Variants in KCNQ1 observed in about 807,000 individuals in gnomAD.
KCNQ1 encodes the protein potassium voltage-gated channel subfamily Q member 1.
Under a neutral mutation model 72.4 loss-of-function variants are expected in KCNQ1, and 49 were observed. That is an observed-to-expected ratio of 0.68 (90% CI 0.54 to 0.86). KCNQ1 has a LOEUF of 0.86. Ranked by LOEUF, KCNQ1 falls within the 40% of genes least tolerant of loss-of-function variation. The pLI, the probability that KCNQ1 is intolerant of heterozygous loss-of-function variation, is 0.00. For synonymous variants in KCNQ1, 450 were observed against 412.6 expected (o/e 1.09, Z -1.10); for missense variants, 790 against 945.1 (o/e 0.84, Z 2.15).
In KCNQ1 at chr11:2,447,888, A is replaced by G. The variant is rs535166255; in HGVS notation, c.386+2404A>G. On this transcript the variant is annotated intron_variant, in intron 1 of 15. Transcript: ENST00000155840. This position sits in a 1 kb window ranked among gnomAD's most constrained non-coding sequence, Gnocchi z 7.6. Reference sequence around the variant, plus strand: ...CTGTGTGCGCCTGGGGAAGCCAGCCAGGATATCCTGTCCCCTCCTCGGGGA... The same window carrying G: ...CTGTGTGCGCCTGGGGAAGCCAGCCGGGATATCCTGTCCCCTCCTCGGGGA... 7.2e-5 allele frequency among the ~76,000 whole-genome samples: 11 copies of G among 152,290 alleles called. No individual in the cohort carries two copies. In the East Asian group the frequency reaches 7.7e-4, roughly 11 times the overall value.
At chr11:2,822,850 A>G (rs1847765928) in intron 15 of KCNQ1, among the ~76,000 whole-genome samples, 9 of 152,248 alleles carry the variant, frequency 5.9e-5, no homozygotes, top group Admixed American at 5.2e-4. Flanking sequence ...GGCATAGGCC[A>G]GAGTAGGACA....
At chr11:2,733,814 A>ACACACACTCTCTCTCTCTCTCT in intron 11 of KCNQ1, among the ~76,000 whole-genome samples, 1 of 86,614 alleles carries the variant, frequency 1.2e-5, no homozygotes, top group Non-Finnish European at 2.4e-5. Context: ...ACACACACAC[A>ACACACACTCTCTCTCTCTCTCT]CTCTCTCACT....
At position 2,661,089 on chromosome 11, in the gene KCNQ1, A is replaced by T; in HGVS notation, c.1394-872A>T. ...AGTCACAGTGACATCCCATGTGCAT[A>T]AAAGCAACTCCCACCTGGCATCTGC... On this transcript the variant is annotated intron_variant, in intron 10 of 15. Transcript: ENST00000155840. The surrounding 1 kb of genome is among the most constrained non-coding windows in gnomAD (Gnocchi z 5.9). 1 of 398,598 alleles carries T rather than the reference A, an allele frequency of 2.5e-6. No homozygotes were observed. 24.7% of individuals were successfully genotyped at this position (398,598 alleles called of 1,614,324 possible).
chr11:2,561,843 A>G (rs1366904866), intron 2 of KCNQ1, among the ~76,000 whole-genome samples: 1 of 152,180 alleles, frequency 6.6e-6, no homozygotes, highest in Non-Finnish European at 1.5e-5. Context: ...GTTCCAGGCT[A>G]CCTTGGGCGG....
chr11:2,666,279 G>T (rs1300688514), intron 11 of KCNQ1: 5 of 398,600 alleles, frequency 1.3e-5, no homozygotes, highest in Non-Finnish European at 8.8e-6. Flanking sequence ...CTGGGCAGAG[G>T]GGGTGGAAAG....
chr11:2,787,945 C>T lies in KCNQ1; in HGVS notation c.1794+9908C>T, dbSNP rs1846943083. On this transcript the variant is annotated intron_variant, in intron 15 of 15. Coordinates refer to ENST00000155840, the MANE Select transcript of KCNQ1 (RefSeq NM_000218.3). The surrounding 1 kb of genome is among the most constrained non-coding windows in gnomAD (Gnocchi z 6.3). ...CCACTTTTTTAAGTGCTGTGCCACA[C>T]AGATTCAGCTATGGGACAGCGCTGC... Among the ~76,000 whole-genome samples, 1 of 152,198 alleles carries T rather than the reference C, an allele frequency of 6.6e-6. No individual in the cohort carries two copies. Among genetic ancestry groups the T allele is most frequent in the African/African-American group, 2.4e-5 (1 of 41,450 alleles).
Position 2,679,499 on chromosome 11 carries a change from C to A in KCNQ1, c.1514+17418C>A. The stretch of plus-strand genomic sequence containing the variant: ...AAGTGCCTGTCCTATAGTAGTGACA[C>A]AGTGTTACTTAAATGTATTGCTATA... On this transcript the variant is annotated intron_variant, in intron 11 of 15. Transcript: ENST00000155840. The surrounding 1 kb of genome is among the most constrained non-coding windows in gnomAD (Gnocchi z 4.8). The A allele has an allele frequency of 2.5e-6, 1 of 398,622 alleles. No individual in the cohort carries two copies. Among genetic ancestry groups the A allele is most frequent in the Non-Finnish European group, 4.4e-6 (1 of 226,068 alleles). The allele number at this position is 398,622 out of a possible 1,614,324, so 24.7% of individuals were successfully genotyped here. A position where few individuals can be genotyped will look rare whatever the true frequency, so the allele number is the denominator to read the frequency against.
chr11:2,733,115 C>A (rs1168253062), intron 11 of KCNQ1, among the ~76,000 whole-genome samples: 1 of 152,164 alleles, frequency 6.6e-6, no homozygotes, highest in Non-Finnish European at 1.5e-5. Context: ...CATCACCCAG[C>A]CTTGCACGTC....
Position 2,725,503 on chromosome 11 carries a change from A to T in KCNQ1, c.1515-43341A>T, listed in dbSNP as rs559416963. ...GTCCCCAATCGTCTTCGAGCTACTG[A>T]TATAGAACCTCTGCGTTTAGCTGTG... On this transcript the variant is annotated intron_variant, in intron 11 of 15. Transcript: ENST00000155840. The surrounding 1 kb of genome is among the most constrained non-coding windows in gnomAD (Gnocchi z 7.2). 6.6e-6 allele frequency among the ~76,000 whole-genome samples: 1 copy of T among 152,266 alleles called. No individual in the cohort carries two copies. Among genetic ancestry groups the T allele is most frequent in the African/African-American group, 2.4e-5 (1 of 41,556 alleles).
Position 2,661,806 on chromosome 11 carries a change from C to T in KCNQ1, c.1394-155C>T. On this transcript the variant is annotated intron_variant, in intron 10 of 15. Coordinates refer to ENST00000155840, the MANE Select transcript of KCNQ1 (RefSeq NM_000218.3). The surrounding 1 kb of genome is among the most constrained non-coding windows in gnomAD (Gnocchi z 5.9). Reference sequence around the variant, plus strand: ...TGGGGCCATCTTAAACACCCACCCACCCCAACACCCAACTATAAAACTGAT... The same window carrying T: ...TGGGGCCATCTTAAACACCCACCCATCCCAACACCCAACTATAAAACTGAT... 3.4e-6 allele frequency: 3 copies of T among 886,076 alleles called. No individual in the cohort carries two copies. The highest frequency in any genetic ancestry group is 3.6e-6 in the Non-Finnish European group (2 of 555,886). The allele number at this position is 886,076 out of a possible 1,614,324, so 54.9% of individuals were successfully genotyped here.
At chr11:2,743,565 G>A (rs897057549) in intron 11 of KCNQ1, among the ~76,000 whole-genome samples, 6 of 152,196 alleles carry the variant, frequency 3.9e-5, no homozygotes, top group African/African-American at 9.6e-5. Context: ...GAAGGGGCTC[G>A]AATCCCTACG....
chr11:2,838,762 C>T (rs1483542178), intron 15 of KCNQ1, among the ~76,000 whole-genome samples: 1 of 152,198 alleles, frequency 6.6e-6, no homozygotes, highest in East Asian at 1.9e-4. Context: ...TGGGGTTTGG[C>T]TGAGGCAGCA....
intron 15 of KCNQ1, among the ~76,000 whole-genome samples, chr11:2,835,382 C>A (rs938114812): frequency 2.9e-5 from 4 of 136,324 alleles, no homozygotes; most frequent in African/African-American, 8.2e-5. Context: ...TAGACACCTG[C>A]ATATAAACCC....
Position 2,751,191 on chromosome 11 carries a change from G to A in KCNQ1, c.1515-17653G>A, listed in dbSNP as rs186157526. ...CCGGGCTCCGCTCGTCCCTCTGAGC[G>A]GAGGGTCACCCTGGTCACCATGAAA... On this transcript the variant is annotated intron_variant, in intron 11 of 15. Transcript: ENST00000155840. Among the ~76,000 whole-genome samples the A allele has an allele frequency of 1.1e-4, 16 of 152,250 alleles. No individual in the cohort carries two copies. In the East Asian group the frequency reaches 1.5e-3, roughly 15 times the overall value.
At chr11:2,470,710 G>GC (rs34463833) in intron 1 of KCNQ1, among the ~76,000 whole-genome samples, 37,692 of 148,370 alleles carry the variant, frequency 0.25, 5,563 homozygotes, top group East Asian at 0.38. Flanking sequence ...TAGGTGGGGG[G>GC]GGGGGTGCTT....
Position 2,781,017 on chromosome 11 carries a change from C to T in KCNQ1, c.1794+2980C>T, listed in dbSNP as rs1188687700. Among the ~76,000 whole-genome samples, 1 of 152,090 alleles carries T rather than the reference C, an allele frequency of 6.6e-6. No homozygotes were observed. On this transcript the variant is annotated intron_variant, in intron 15 of 15. Coordinates refer to ENST00000155840, the MANE Select transcript of KCNQ1 (RefSeq NM_000218.3). The surrounding 1 kb of genome is among the most constrained non-coding windows in gnomAD (Gnocchi z 6.6). ...CTCCAGGGTGTGGAGAGCAGAAACC[C>T]ACCCACACCCGCAGATCCAGGGGCC...
chr11:2,512,806 A>G (rs1847231259), intron 1 of KCNQ1, among the ~76,000 whole-genome samples: 1 of 152,176 alleles, frequency 6.6e-6, no homozygotes, highest in Admixed American at 6.5e-5. Flanking sequence ...AAACAACCCC[A>G]CTGAGGAGGC....
rs1451245877 is a variant in KCNQ1 at position 2,849,082 on chromosome 11, G to A, written c.*1079G>A. On this transcript the variant is annotated 3_prime_UTR_variant, in exon 16 of 16. Coordinates refer to ENST00000155840, the MANE Select transcript of KCNQ1 (RefSeq NM_000218.3). ...CCCCTGCAGTTCCCCTGGAAGCAGT[G>A]CCCAGGTGGCTGTGGAATAGGAACG... 2.2e-6 allele frequency: 1 copy of A among 453,584 alleles called. No homozygotes were observed. The allele number at this position is 453,584 out of a possible 1,614,324, so 28.1% of individuals were successfully genotyped here.
chr11:2,688,504 G>A (rs572698190), intron 11 of KCNQ1: 4 of 398,674 alleles, frequency 1.0e-5, no homozygotes, highest in South Asian at 1.3e-4. Flanking sequence ...TGCTCTGGGT[G>A]ATGAGGTAGA....
Sources: gnomAD v4.1 joint callset for allele counts (sites outside exome capture counted in the v4.1 genomes callset) on GRCh38, gnomAD v4.1.1 for gene constraint, Gnocchi (gnomAD v3.1) non-coding constraint, MANE v1.5 for transcripts, NCBI Gene and HGNC (gene_info 2026-07-23, HGNC 2026-07-21) for gene names.